Variants in SMOC2 observed in about 807,000 individuals in gnomAD.
The protein encoded by SMOC2 is SPARC related modular calcium binding 2, also known as SPARC-related modular calcium-binding protein 2.
In SMOC2, 39 loss-of-function variants were observed where a neutral mutation model predicts 61.4. The observed-to-expected ratio is 0.64, with a 90% CI of 0.49 to 0.83. The LOEUF is 0.83. SMOC2 is among the 40% of genes least tolerant of loss of function. The probability of loss-of-function intolerance (pLI) is 0.00; values close to 1 mark genes in which losing one functional copy is unlikely to be tolerated. For missense variants in SMOC2, 556 were observed against 592.9 expected (o/e 0.94, Z 0.65); for synonymous variants, 247 against 239.9 (o/e 1.03, Z -0.27).
chr6:168,443,576 C>T (rs1351311835), intron 1 of SMOC2, among the ~76,000 whole-genome samples: 9 of 152,200 alleles, frequency 5.9e-5, no homozygotes, highest in Non-Finnish European at 1.0e-4. Context: ...CACCCCCAGT[C>T]TAGAAAATCA....
At chr6:168,447,333 C>T (rs1306662198) in intron 1 of SMOC2, among the ~76,000 whole-genome samples, 4 of 152,094 alleles carry the variant, frequency 2.6e-5, no homozygotes, top group African/African-American at 4.8e-5. Flanking sequence ...GGCTGGTCAT[C>T]GATTTTCTTT....
At chr6:168,486,069 G>A (rs1284379726) in intron 1 of SMOC2, among the ~76,000 whole-genome samples, 1 of 152,164 alleles carries the variant, frequency 6.6e-6, no homozygotes, top group Non-Finnish European at 1.5e-5. Context: ...CGGTTCCTGT[G>A]TATGGTATCA....
chr6:168,508,012 C>T (rs1459287645), intron 1 of SMOC2, among the ~76,000 whole-genome samples: 2 of 152,102 alleles, frequency 1.3e-5, no homozygotes, highest in African/African-American at 4.8e-5. Flanking sequence ...TGTTCTTAGC[C>T]ACACCTGCCA....
At chr6:168,449,265 G>A (rs769084413) in intron 1 of SMOC2, among the ~76,000 whole-genome samples, 2 of 152,216 alleles carry the variant, frequency 1.3e-5, no homozygotes, top group South Asian at 4.2e-4. Context: ...ATCTGAAGTC[G>A]TATCTCAGAA....
In SMOC2 at chr6:168,627,973, T is replaced by TGTGGACATCAGCCAGTGACTGCCCG. The variant is rs548660948; in HGVS notation, c.907+19735_907+19759dup. Among the ~76,000 whole-genome samples, 20 of 152,094 alleles carry TGTGGACATCAGCCAGTGACTGCCCG rather than the reference T, an allele frequency of 1.3e-4. No individual in the cohort carries two copies. The South Asian group carries it at 4.0e-3, about 30-fold the overall frequency. ...CAGGCTCCCACGGAGAAGCCTTCTG[T>TGTGGACATCAGCCAGTGACTGCCCG]GTGGACATCAGCCAGTGACTGCCCG... On this transcript the variant is annotated intron_variant, in intron 9 of 12. Transcript: ENST00000356284.
intron 9 of SMOC2, among the ~76,000 whole-genome samples, chr6:168,617,765 T>C (rs1302345525): frequency 6.6e-6 from 1 of 152,222 alleles, no homozygotes; most frequent in Non-Finnish European, 1.5e-5. Flanking sequence ...CCAGATTAAA[T>C]GTGAACTGCT....
chr6:168,599,681 C>T (rs1448677607), intron 8 of SMOC2, among the ~76,000 whole-genome samples: 5 of 140,542 alleles, frequency 3.6e-5, no homozygotes, highest in Non-Finnish European at 4.6e-5. Context: ...CCCCTACACA[C>T]TCTCACACTC....
chr6:168,460,360 G>T (rs1263982041), intron 1 of SMOC2, among the ~76,000 whole-genome samples: 1 of 152,136 alleles, frequency 6.6e-6, no homozygotes, highest in Non-Finnish European at 1.5e-5. Context: ...CTCCACAGTG[G>T]TACTACCCAA....
chr6:168,643,088 C>T (rs1786932973), intron 9 of SMOC2, among the ~76,000 whole-genome samples: 1 of 152,166 alleles, frequency 6.6e-6, no homozygotes, highest in African/African-American at 2.4e-5. Context: ...GGCCCTCTAA[C>T]TCCATGGTTT....
chr6:168,639,138 G>C (rs1017011742), intron 9 of SMOC2, among the ~76,000 whole-genome samples: 5 of 152,328 alleles, frequency 3.3e-5, no homozygotes, highest in African/African-American at 1.2e-4. Context: ...CCTTTGTTCA[G>C]ATGCAGCCAT....
intron 1 of SMOC2, among the ~76,000 whole-genome samples, chr6:168,441,769 C>T (rs531844778): frequency 2.6e-5 from 4 of 152,306 alleles, no homozygotes; most frequent in African/African-American, 7.2e-5. Context: ...GTGAGAGGAT[C>T]CTGGGGTCCT....
chr6:168,519,125 A>G (rs1783256819), intron 2 of SMOC2, among the ~76,000 whole-genome samples: 2 of 125,666 alleles, frequency 1.6e-5, no homozygotes, highest in African/African-American at 3.1e-5. Context: ...GTATGCATGC[A>G]TGTGTATGTG....
rs372030676 is a variant in SMOC2, at chr6:168,458,388, G to C, written c.84+16934G>C. On this transcript the variant is annotated intron_variant, in intron 1 of 12. Transcript: ENST00000356284. Reference sequence around the variant, plus strand: ...CACCCTGCCCCTCTGGGGGCATCATGCTGCCTGCCCTGGGGGTCCTGGGCT... The same window carrying C: ...CACCCTGCCCCTCTGGGGGCATCATCCTGCCTGCCCTGGGGGTCCTGGGCT... Among the ~76,000 whole-genome samples, 40 of 152,284 alleles carry C rather than the reference G, an allele frequency of 2.6e-4. No individual in the cohort carries two copies. In the South Asian group the frequency reaches 3.7e-3, roughly 14 times the overall value.
At chr6:168,620,387 T>C (rs956158642) in intron 9 of SMOC2, among the ~76,000 whole-genome samples, 4 of 152,166 alleles carry the variant, frequency 2.6e-5, no homozygotes, top group African/African-American at 9.7e-5. Context: ...TTCTGGGAGA[T>C]GCAAGTCAAT....
chr6:168,512,139 C>G (rs1244252194), intron 2 of SMOC2, among the ~76,000 whole-genome samples: 1 of 151,996 alleles, frequency 6.6e-6, no homozygotes, highest in African/African-American at 2.4e-5. Flanking sequence ...CTCTGAGGAC[C>G]GACAGGAGGG....
At chr6:168,663,937 T>G (rs1787586327) in intron 11 of SMOC2, 137 bp from the exon 12 acceptor site, 1 of 684,854 alleles carries the variant, frequency 1.5e-6, no homozygotes. Context: ...CTGTATGTGG[T>G]TTTTTTCATA....
Position 168,553,494 on chromosome 6 carries a change from C to T in SMOC2, c.637+4291C>T, listed in dbSNP as rs1164744031. Among the ~76,000 whole-genome samples the T allele has an allele frequency of 6.6e-6, 1 of 152,202 alleles. No individual in the cohort carries two copies. Among genetic ancestry groups the T allele is most frequent in the African/African-American group, 2.4e-5 (1 of 41,450 alleles). On this transcript the variant is annotated intron_variant, in intron 7 of 12. Coordinates refer to ENST00000356284, the MANE Select transcript of SMOC2 (RefSeq NM_001166412.2). This position sits in a 1 kb window ranked among gnomAD's most constrained non-coding sequence, Gnocchi z 4.2. ...GGCATATTAAGTACTTTCTAGATTT[C>T]TGCCTGATTTCCTTTAAAACCAATC...
intron 1 of SMOC2, among the ~76,000 whole-genome samples, chr6:168,458,810 C>A (rs1226779001): frequency 6.6e-6 from 1 of 152,192 alleles, no homozygotes; most frequent in Non-Finnish European, 1.5e-5. Flanking sequence ...GGTCTGAACG[C>A]CCACTCCTCG....
chr6:168,648,134 G>C (rs1293382235), intron 9 of SMOC2, among the ~76,000 whole-genome samples: 1 of 152,126 alleles, frequency 6.6e-6, no homozygotes, highest in East Asian at 1.9e-4. Context: ...CTTTCTTAAA[G>C]CTGTTCAGTA....
Sources: allele counts gnomAD v4.1 joint callset (sites outside exome capture counted in the v4.1 genomes callset), GRCh38; gene constraint gnomAD v4.1.1; non-coding constraint Gnocchi (gnomAD v3.1); transcripts MANE v1.5; gene names NCBI Gene and HGNC (gene_info 2026-07-23, HGNC 2026-07-21).